The following CFAP95 variants were observed in gnomAD, a reference collection of about 807,000 sequenced individuals.
The protein encoded by CFAP95 is cilia and flagella associated protein 95.
chr9:69,891,346 G>T, the CFAP95 span, among the ~76,000 whole-genome samples: 1 of 152,078 alleles, frequency 6.6e-6, no homozygotes, highest in Non-Finnish European at 1.5e-5. Flanking sequence ...CAAGTCCCCC[G>T]GGACCCTGGA....
the CFAP95 span, among the ~76,000 whole-genome samples, chr9:69,839,130 T>G: frequency 1.9e-5 from 1 of 52,934 alleles, no homozygotes; most frequent in African/African-American, 6.8e-5. Flanking sequence ...GCTGGATTCG[T>G]TTTGCCAGTA....
the CFAP95 span, among the ~76,000 whole-genome samples, chr9:69,879,408 G>A: frequency 6.6e-6 from 1 of 152,148 alleles, no homozygotes; most frequent in African/African-American, 2.4e-5. Context: ...AAAGTCTCCA[G>A]CATGGACGAG....
the CFAP95 span, among the ~76,000 whole-genome samples, chr9:69,868,919 CA>C: frequency 0.011 from 1,635 of 151,946 alleles, 29 homozygotes; most frequent in African/African-American, 0.037. Context: ...CACTAATTAC[CA>C]GGCAAATATA....
chr9:69,867,937 T>C, the CFAP95 span, among the ~76,000 whole-genome samples: 1 of 152,232 alleles, frequency 6.6e-6, no homozygotes, highest in African/African-American at 2.4e-5. Context: ...GCTGAGCTAA[T>C]CATTCCACAG....
chr9:69,892,141 A>C, the CFAP95 span, among the ~76,000 whole-genome samples: 2 of 152,202 alleles, frequency 1.3e-5, no homozygotes, highest in African/African-American at 4.8e-5. Context: ...CTTTTTTAGC[A>C]TGTAATTCAA....
At chr9:69,832,988 G>T in the CFAP95 span, among the ~76,000 whole-genome samples, 6 of 152,030 alleles carry the variant, frequency 3.9e-5, no homozygotes, top group Non-Finnish European at 5.9e-5. Context: ...CTATTTTGAT[G>T]GTTATATCCT....
chr9:69,867,257 T>C, the CFAP95 span, among the ~76,000 whole-genome samples: 1 of 152,214 alleles, frequency 6.6e-6, no homozygotes, highest in Non-Finnish European at 1.5e-5. Flanking sequence ...TAAGAAAATA[T>C]ATGTGAAAGC....
At chr9:69,824,363 T>A in the CFAP95 span, among the ~76,000 whole-genome samples, 4 of 152,220 alleles carry the variant, frequency 2.6e-5, no homozygotes, top group East Asian at 5.8e-4. Flanking sequence ...TACGATTTAT[T>A]TGTAAGTCAA....
At chr9:69,844,413 T>C in the CFAP95 span, 1 of 621,972 alleles carries the variant, frequency 1.6e-6, no homozygotes, top group South Asian at 2.8e-5. Context: ...TTATACTTAA[T>C]ACTACAAATA....
chr9:69,902,575 A>G, the CFAP95 span, among the ~76,000 whole-genome samples: 1 of 152,210 alleles, frequency 6.6e-6, no homozygotes, highest in Admixed American at 6.5e-5. Flanking sequence ...CTTGAGTGGT[A>G]TACCAAACGA....
chr9:69,829,754 G>A, the CFAP95 span, among the ~76,000 whole-genome samples: 7 of 152,186 alleles, frequency 4.6e-5, no homozygotes, highest in Non-Finnish European at 1.0e-4. Flanking sequence ...GTGGGGCTTC[G>A]TGACATTTTG....
the CFAP95 span, among the ~76,000 whole-genome samples, chr9:69,872,484 A>G: frequency 6.6e-6 from 1 of 152,210 alleles, no homozygotes; most frequent in African/African-American, 2.4e-5. Flanking sequence ...TCAAGGCTCC[A>G]TGACTGCTTA....
chr9:69,880,847 C>A, the CFAP95 span, among the ~76,000 whole-genome samples: 1 of 152,108 alleles, frequency 6.6e-6, no homozygotes, highest in Non-Finnish European at 1.5e-5. Context: ...TGGATATAAG[C>A]CATTTTAACC....
the CFAP95 span, among the ~76,000 whole-genome samples, chr9:69,879,295 C>T: frequency 6.6e-6 from 1 of 152,032 alleles, no homozygotes; most frequent in Non-Finnish European, 1.5e-5. Flanking sequence ...AATTCAATTT[C>T]CTTTGGTTAA....
the CFAP95 span, among the ~76,000 whole-genome samples, chr9:69,897,675 C>T: frequency 1.3e-5 from 2 of 151,892 alleles, no homozygotes; most frequent in Non-Finnish European, 2.9e-5. Flanking sequence ...ATCATTTTAC[C>T]GAAAAAAGGT....
the CFAP95 span, among the ~76,000 whole-genome samples, chr9:69,831,953 C>T: frequency 6.6e-6 from 1 of 152,164 alleles, no homozygotes; most frequent in Non-Finnish European, 1.5e-5. Flanking sequence ...ATTTACATAT[C>T]CATAAACTAT....
chr9:69,875,519 A>G, the CFAP95 span, among the ~76,000 whole-genome samples: 1 of 152,106 alleles, frequency 6.6e-6, no homozygotes, highest in Non-Finnish European at 1.5e-5. Context: ...AAAGGGCTCA[A>G]TTAGGAGGGA....
the CFAP95 span, among the ~76,000 whole-genome samples, chr9:69,905,501 G>A: frequency 6.6e-6 from 1 of 152,160 alleles, no homozygotes; most frequent in African/African-American, 2.4e-5. Context: ...ATGTGTCAGA[G>A]CTTGGCATTT....
chr9:69,881,012 A>AT, the CFAP95 span, among the ~76,000 whole-genome samples: 27 of 150,114 alleles, frequency 1.8e-4, no homozygotes, highest in South Asian at 6.3e-4. Context: ...GGATTATTAG[A>AT]TTTTTTTTTT....
Sources: allele counts gnomAD v4.1 joint callset (sites outside exome capture counted in the v4.1 genomes callset), GRCh38; gene constraint gnomAD v4.1.1; transcripts MANE v1.5; gene names NCBI Gene and HGNC (gene_info 2026-07-23, HGNC 2026-07-21).